ASIC2: variants seen among roughly 807,000 people sequenced by gnomAD.
The protein encoded by ASIC2 is acid sensing ion channel subunit 2, also known as acid-sensing ion channel 2.
ASIC2 carries 25 observed loss-of-function variants against 57.3 expected under a neutral mutation model. The observed-to-expected ratio is 0.44, with a 90% CI of 0.32 to 0.61. ASIC2 has a LOEUF of 0.61. ASIC2 is among the 20% of genes least tolerant of loss of function. The pLI is 0.06. For missense variants in ASIC2, 641 were observed against 738.1 expected (o/e 0.87, Z 1.52); for synonymous variants, 319 against 307.5 (o/e 1.04, Z -0.39).
intron 1 of ASIC2, among the ~76,000 whole-genome samples, chr17:33,773,465 G>A (rs1315820091): frequency 2.0e-5 from 3 of 152,018 alleles, no homozygotes; most frequent in Non-Finnish European, 4.4e-5. Context: ...GTTTGGAGTG[G>A]ATATAATTCA....
At chr17:33,269,663 C>CTTCCTTCCTTCCTTCCTTCTTTCCTTTT (rs1904381336) in intron 1 of ASIC2, among the ~76,000 whole-genome samples, 1 of 84,830 alleles carries the variant, frequency 1.2e-5, no homozygotes, top group Non-Finnish European at 2.6e-5. Context: ...TCCTTCCTTC[C>CTTCCTTCCTTCCTTCCTTCTTTCCTTTT]TTCCTTCCTT....
intron 1 of ASIC2, among the ~76,000 whole-genome samples, chr17:33,755,652 T>G (rs1231730650): frequency 6.6e-6 from 1 of 152,180 alleles, no homozygotes; most frequent in Non-Finnish European, 1.5e-5. Context: ...TGGGACATAC[T>G]GAAAGGGAAA....
chr17:33,343,688 C>T (rs1907826630), intron 1 of ASIC2, among the ~76,000 whole-genome samples: 1 of 152,200 alleles, frequency 6.6e-6, no homozygotes, highest in South Asian at 2.1e-4. Context: ...ATTTTCTTCC[C>T]TCTGCATTTT....
intron 1 of ASIC2, among the ~76,000 whole-genome samples, chr17:33,593,117 G>A (rs1198859621): frequency 6.6e-6 from 1 of 152,200 alleles, no homozygotes; most frequent in Non-Finnish European, 1.5e-5. Flanking sequence ...CACTGCTTAG[G>A]TTTTGTGGCC....
At chr17:33,705,230 A>G (rs938397383) in intron 1 of ASIC2, among the ~76,000 whole-genome samples, 9 of 152,228 alleles carry the variant, frequency 5.9e-5, no homozygotes, top group Admixed American at 3.9e-4. Context: ...TATAGAATTG[A>G]AAGTCTCCCA....
At chr17:34,039,936 G>A (rs1048150133) in intron 1 of ASIC2, 16 of 1,388,270 alleles carry the variant, frequency 1.2e-5, no homozygotes, top group African/African-American at 1.1e-4. Context: ...GACCCGACCC[G>A]GCTGCGGACC....
At chr17:33,713,985 C>T (rs1179834098) in intron 1 of ASIC2, among the ~76,000 whole-genome samples, 1 of 151,944 alleles carries the variant, frequency 6.6e-6, no homozygotes. Context: ...CATTTCCTTA[C>T]AAGATTGTGT....
intron 1 of ASIC2, among the ~76,000 whole-genome samples, chr17:33,938,808 G>C (rs1162622207): frequency 6.6e-6 from 1 of 152,210 alleles, no homozygotes; most frequent in Admixed American, 6.5e-5. Context: ...CCTCCTGCAT[G>C]GCTGTCTCCC....
At chr17:33,251,154 C>T (rs973524521) in intron 1 of ASIC2, among the ~76,000 whole-genome samples, 2 of 152,182 alleles carry the variant, frequency 1.3e-5, no homozygotes, top group African/African-American at 4.8e-5. Context: ...TCTAAGTTCT[C>T]TCACAGCTCA....
intron 1 of ASIC2, among the ~76,000 whole-genome samples, chr17:33,957,351 AT>A (rs1168750428): frequency 6.6e-6 from 1 of 152,120 alleles, no homozygotes; most frequent in Admixed American, 6.5e-5. Flanking sequence ...TCTCTTGAGG[AT>A]TTATGTAGTA....
At chr17:34,086,758 T>C (rs1910126525) in intron 1 of ASIC2, among the ~76,000 whole-genome samples, 2 of 152,360 alleles carry the variant, frequency 1.3e-5, no homozygotes, top group Non-Finnish European at 2.9e-5. Context: ...GATAGTTAGC[T>C]CTTCTTGTTG....
At chr17:33,922,693 C>A (rs1407932783) in intron 1 of ASIC2, among the ~76,000 whole-genome samples, 1 of 152,116 alleles carries the variant, frequency 6.6e-6, no homozygotes, top group African/African-American at 2.4e-5. Flanking sequence ...GCAATACTAA[C>A]CCCACCCCAT....
At chr17:33,108,602 C>G (rs993447130) in intron 2 of ASIC2, among the ~76,000 whole-genome samples, 1 of 152,222 alleles carries the variant, frequency 6.6e-6, no homozygotes, top group African/African-American at 2.4e-5. Flanking sequence ...GTTGGCTTCT[C>G]TCTCACCCGC....
At chr17:33,209,093 T>TA (rs1211492768) in intron 1 of ASIC2, among the ~76,000 whole-genome samples, 1 of 152,120 alleles carries the variant, frequency 6.6e-6, no homozygotes, top group African/African-American at 2.4e-5. Context: ...CTCTTAGAGG[T>TA]AGAAGAGCCA....
intron 1 of ASIC2, among the ~76,000 whole-genome samples, chr17:33,329,756 G>A (rs563685361): frequency 4.3e-4 from 65 of 150,606 alleles, no homozygotes; most frequent in African/African-American, 1.4e-3. Flanking sequence ...TTTTTCCTTC[G>A]CCTTCACAAG....
chr17:34,075,554 TGAG>T (rs1446000039), intron 1 of ASIC2, among the ~76,000 whole-genome samples: 2 of 152,170 alleles, frequency 1.3e-5, no homozygotes, highest in African/African-American at 4.8e-5. Context: ...AGGGAGGAAG[TGAG>T]GAGCTGAAAA....
intron 1 of ASIC2, chr17:33,936,332 G>C (rs1343117334): frequency 6.6e-6 from 1 of 152,208 alleles, no homozygotes; most frequent in African/African-American, 2.4e-5. Flanking sequence ...GTTTTCCTCT[G>C]ACCCCTTTTA....
At chr17:34,000,303 G>A (rs1302890855) in intron 1 of ASIC2, among the ~76,000 whole-genome samples, 2 of 147,212 alleles carry the variant, frequency 1.4e-5, no homozygotes, top group African/African-American at 5.1e-5. Context: ...CCAGGCTGGA[G>A]TGCAATGGTG....
At chr17:33,987,844 G>T (rs1905872231) in intron 1 of ASIC2, among the ~76,000 whole-genome samples, 1 of 152,120 alleles carries the variant, frequency 6.6e-6, no homozygotes, top group Non-Finnish European at 1.5e-5. Context: ...TGATAAAAAA[G>T]ACAATCTCTT....
Sources: gnomAD v4.1 joint callset for allele counts (sites outside exome capture counted in the v4.1 genomes callset) on GRCh38, gnomAD v4.1.1 for gene constraint, MANE v1.5 for transcripts, NCBI Gene and HGNC (gene_info 2026-07-23, HGNC 2026-07-21) for gene names.